The following PRRC2A variants were observed in gnomAD, a reference collection of about 807,000 sequenced individuals.
PRRC2A encodes the protein protein PRRC2A.
A neutral mutation model predicts 224.6 loss-of-function variants in PRRC2A; 59 were observed. The ratio of observed to expected loss-of-function variants is 0.26; its 90% CI spans 0.21 to 0.33. PRRC2A has a LOEUF of 0.33. Among genes scored for constraint, PRRC2A ranks in the 10% least tolerant of loss-of-function variants. PRRC2A has a pLI of 1.00. For synonymous variants in PRRC2A, 1,194 were observed against 1,109.5 expected, an observed-to-expected ratio of 1.08 and a Z score of -1.51; for missense variants, 3,095 against 2,880.7, an observed-to-expected ratio of 1.07 and a Z score of -1.70.
intron 5 of PRRC2A, 75 bp downstream of exon 5, chr6:31,624,597 C>A: frequency 6.7e-7 from 1 of 1,487,842 alleles, no homozygotes; most frequent in South Asian, 1.1e-5. Flanking sequence ...TATTTTCAGC[C>A]AAGTGACCTT....
intron 14 of PRRC2A, 118 bp downstream of exon 14, chr6:31,629,963 AG>A (rs1458067696): frequency 1.3e-6 from 2 of 1,488,648 alleles, no homozygotes; most frequent in Non-Finnish European, 1.8e-6. Flanking sequence ...TGATGAGGGA[AG>A]GGCATATGCT....
chr6:31,627,622 A>T lies in PRRC2A; in HGVS notation c.1291-143A>T. ...GGTCTCAAAGAAGACCAGGATAATG[A>T]GTTTGTCACCACCCAGAGAGATCAA... On this transcript the variant is annotated intron_variant, in intron 11 of 30. Coordinates refer to ENST00000376033, the MANE Select transcript of PRRC2A (RefSeq NM_004638.4). The surrounding 1 kb of genome is among the most constrained non-coding windows in gnomAD (Gnocchi z 5.6). The T allele has an allele frequency of 1.9e-6, 2 of 1,062,796 alleles. No homozygotes were observed. The highest frequency in any genetic ancestry group is 1.6e-5 in the African/African-American group (1 of 62,382). The allele number at this position is 1,062,796 out of a possible 1,614,324, so 65.8% of individuals were successfully genotyped here. A position where few individuals can be genotyped will look rare whatever the true frequency, so the allele number is the denominator to read the frequency against.
At position 31,630,059 on chromosome 6, in the gene PRRC2A, G is replaced by A. The variant is rs547161446; in HGVS notation, c.2254+214G>A. On this transcript the variant is annotated intron_variant, in intron 14 of 30. Coordinates refer to ENST00000376033, the MANE Select transcript of PRRC2A (RefSeq NM_004638.4). Reference sequence around the variant, plus strand: ...TGGCCAGGCATTGTGGCTCACGCCTGTAATCCCAGCACTTAGGGAGGCCGA... The same window carrying A: ...TGGCCAGGCATTGTGGCTCACGCCTATAATCCCAGCACTTAGGGAGGCCGA... Among the ~76,000 whole-genome samples the A allele has an allele frequency of 1.6e-4, 24 of 152,354 alleles. No individual in the cohort carries two copies. In the East Asian group the frequency reaches 3.1e-3, roughly 20 times the overall value.
At position 31,627,696 on chromosome 6, in the gene PRRC2A, T is replaced by C; in HGVS notation, c.1291-69T>C. 6.4e-7 allele frequency: 1 copy of C among 1,556,996 alleles called. No homozygotes were observed. The highest frequency in any genetic ancestry group is 1.2e-5 in the South Asian group (1 of 85,130). The stretch of plus-strand genomic sequence containing the variant: ...CCTGCAAGTAGCGACAGTTGATTTG[T>C]TGTAAAAGAGATGATAGAAAGCATA... On this transcript the variant is annotated intron_variant, in intron 11 of 30. Transcript: ENST00000376033. The surrounding 1 kb of genome is among the most constrained non-coding windows in gnomAD (Gnocchi z 5.6).
Position 31,631,613 on chromosome 6 carries a change from G to C in PRRC2A, c.2940G>C (p.Lys980Asn). ...GGGATGAAACCCCCAAACCCCCAAA[G>C]CCAGACCCACTCAAGATAACCAAGG... The part of the protein sequence containing the change: ...EQGDETPKPP[K>N]PDPLKITKGK... The change falls in exon 16 of 31, where the codon AAG becomes AAC. Residue 980 changes from lysine to asparagine, a missense_variant. Physicochemically the swap from Lys to Asn is moderately conservative, Grantham distance 94. This residue lies in a region of PRRC2A where 2,001 missense variants were observed against 1,764.9 expected (regional missense o/e 1.13). Transcript: ENST00000376033. The surrounding 1 kb of genome is among the most constrained non-coding windows in gnomAD (Gnocchi z 4.5). 6.5e-7 allele frequency: 1 copy of C among 1,533,334 alleles called. No individual in the cohort carries two copies. The allele number at this position is 1,533,334 out of a possible 1,614,324, so 95.0% of individuals were successfully genotyped here.
intron 13 of PRRC2A, 47 bp from the exon 14 acceptor site, chr6:31,629,501 C>T (rs956227447): frequency 1.4e-6 from 2 of 1,426,772 alleles, no homozygotes; most frequent in Admixed American, 1.7e-5. Context: ...TTCCTTTGTC[C>T]ATGTGTGCTT....
At chr6:31,624,109 T>TA (rs1775620117) in intron 3 of PRRC2A, 152 bp from the exon 4 acceptor site, 4 of 1,060,618 alleles carry the variant, frequency 3.8e-6, no homozygotes, top group Non-Finnish European at 5.5e-6. Flanking sequence ...CATGAAAAAA[T>TA]AGACAACAGC....
Position 31,635,750 on chromosome 6 carries a change from G to C in PRRC2A, c.5541+1G>C. 1 of 1,576,398 alleles carries C rather than the reference G, an allele frequency of 6.3e-7. No individual in the cohort carries two copies. The highest frequency in any genetic ancestry group is 8.6e-7 in the Non-Finnish European group (1 of 1,162,906). On this transcript the variant is annotated splice_donor_variant, in intron 24 of 30. Transcript: ENST00000376033. LOFTEE classifies it high-confidence loss of function. ...CAGTGCTGGGCCTTCCAGTTCTCAG[G>C]TAGGCCCCGCTTCCCATTGCATGAC...
rs1490992999 is a variant in PRRC2A at position 31,626,758 on chromosome 6, A to C, written c.983-14A>C. The C allele has an allele frequency of 6.4e-7, 1 of 1,563,096 alleles. No homozygotes were observed. Among genetic ancestry groups the C allele is most frequent in the South Asian group, 1.2e-5 (1 of 85,036 alleles). On this transcript the variant is annotated splice_polypyrimidine_tract_variant and intron_variant, in intron 9 of 30. Coordinates refer to ENST00000376033, the MANE Select transcript of PRRC2A (RefSeq NM_004638.4). ...CAGAATGCTTGGGTTACTAATACTCATATTTCCCCTCAGGGGCCCATGAAG... is the reference window on the plus strand; with the variant it reads ...CAGAATGCTTGGGTTACTAATACTCCTATTTCCCCTCAGGGGCCCATGAAG...
rs1175958797 is a variant in PRRC2A at position 31,629,197 on chromosome 6, C to G, written c.1819C>G (p.Pro607Ala). ...TCCTGAACCACCAGAAGAGGTTCCT[C>G]CTCCTACCACACCCCCAGTTCCAAA... ...EGPEPPEEVP[P>A]PTTPPVPKVE... Residue 607 changes from proline to alanine, a missense_variant, in exon 13 of 31, where the codon CCT becomes GCT. Physicochemically the swap from Pro to Ala is conservative, Grantham distance 27. This residue lies in a region of PRRC2A where 2,001 missense variants were observed against 1,764.9 expected (regional missense o/e 1.13). Coordinates refer to ENST00000376033, the MANE Select transcript of PRRC2A (RefSeq NM_004638.4). The G allele has an allele frequency of 1.2e-6, 2 of 1,614,138 alleles. No homozygotes were observed. Among genetic ancestry groups the G allele is most frequent in the Non-Finnish European group, 1.7e-6 (2 of 1,180,030 alleles).
Position 31,629,153 on chromosome 6 carries a change from A to T in PRRC2A, c.1775A>T (p.Gln592Leu). 1 of 1,614,016 alleles carries T rather than the reference A, an allele frequency of 6.2e-7. No homozygotes were observed. Among genetic ancestry groups the T allele is most frequent in the Non-Finnish European group, 8.5e-7 (1 of 1,179,988 alleles). ...GSFEASPVEPQLPSKEGPEPP... is the reference protein window; with the variant it reads ...GSFEASPVEPLLPSKEGPEPP... ...GTTTTTTCCGATGCAGTGGAACCAC[A>T]ACTGCCCTCAAAAGAGGGTCCTGAA... The change falls in exon 13 of 31, where the codon CAA (glutamine) becomes CTA (leucine). Residue 592 changes from glutamine to leucine, a missense_variant. Physicochemically the swap from Gln to Leu is moderately radical, Grantham distance 113 (BLOSUM62 -2). Transcript: ENST00000376033.
Position 31,623,820 on chromosome 6 carries a change from C to A in PRRC2A, c.201C>A (p.Ala67=), listed in dbSNP as rs375345996. ...PPPANLPSLK[A]ENKGNDPNVS... ...CAGCCAACCTTCCAAGCCTGAAAGCCGAGAACAAAGGCAATGACCCCAATG... is the reference window on the plus strand; with the variant it reads ...CAGCCAACCTTCCAAGCCTGAAAGCAGAGAACAAAGGCAATGACCCCAATG... Residue 67 remains alanine (A), a synonymous_variant, in exon 3 of 31, where the codon GCC becomes GCA. Transcript: ENST00000376033. 6.2e-7 allele frequency: 1 copy of A among 1,614,156 alleles called. No individual in the cohort carries two copies. The highest frequency in any genetic ancestry group is 8.5e-7 in the Non-Finnish European group (1 of 1,180,022).
rs577777906 is a variant in PRRC2A, at chr6:31,634,247, A to G, written c.4731A>G (p.Pro1577=). ...KPELLQEESL[P]PPHSSGFLGS... ...CTTCTCATCTGTAGGAATCTTTGCC[A>G]CCTCCTCATAGCTCTGGATTCTTGG... The change falls in exon 19 of 31, where the codon CCA becomes CCG. Residue 1577 remains proline (P), a synonymous_variant. Transcript: ENST00000376033. 1.4e-5 allele frequency: 22 copies of G among 1,581,488 alleles called. No individual in the cohort carries two copies. In the South Asian group the frequency reaches 2.2e-4, roughly 16 times the overall value.
chr6:31,625,433 C>T lies in PRRC2A; in HGVS notation c.608-27C>T. On this transcript the variant is annotated intron_variant, in intron 6 of 30. Coordinates refer to ENST00000376033, the MANE Select transcript of PRRC2A (RefSeq NM_004638.4). This position sits in a 1 kb window ranked among gnomAD's most constrained non-coding sequence, Gnocchi z 4.1. ...TTCACTTGTCCTCCAATCATTGATA[C>T]CTCTCTCTACCTTTTCCAAAATACA... is the stretch of plus-strand genomic sequence containing the variant. The T allele has an allele frequency of 6.2e-7, 1 of 1,604,298 alleles. No individual in the cohort carries two copies. Among genetic ancestry groups the T allele is most frequent in the Non-Finnish European group, 8.5e-7 (1 of 1,171,770 alleles).
At chr6:31,637,193 T>C (rs1056069064) in intron 29 of PRRC2A, 41 bp from the exon 30 acceptor site, 25 of 1,604,930 alleles carry the variant, frequency 1.6e-5, no homozygotes, top group Non-Finnish European at 2.1e-5. Flanking sequence ...GGAACCAGGG[T>C]CTGGATCCTA....
Position 31,631,542 on chromosome 6 carries a change from C to T in PRRC2A, c.2869C>T (p.Pro957Ser), listed in dbSNP as rs750934299. The T allele has an allele frequency of 8.8e-6, 14 of 1,594,358 alleles. No individual in the cohort carries two copies. Among genetic ancestry groups the T allele is most frequent in the Non-Finnish European group, 1.2e-5 (14 of 1,173,894 alleles). Residue 957 changes from proline to serine, a missense_variant, in exon 16 of 31, where the codon CCA (proline) becomes TCA (serine). By Grantham distance (74) the Pro-to-Ser change is moderately conservative. This residue lies in a region of PRRC2A where 2,001 missense variants were observed against 1,764.9 expected (regional missense o/e 1.13). Transcript: ENST00000376033. The surrounding 1 kb of genome is among the most constrained non-coding windows in gnomAD (Gnocchi z 4.5). ...RRAGPIKKPP[P>S]PTKVEELPPK... ...GGCTGGGCCTATAAAGAAACCTCCA[C>T]CACCTACAAAAGTAGAAGAGCTGCC...
At position 31,632,209 on chromosome 6, in the gene PRRC2A, C is replaced by T. The variant is rs1317844275; in HGVS notation, c.3536C>T (p.Pro1179Leu). The T allele has an allele frequency of 6.2e-7, 1 of 1,608,944 alleles. No individual in the cohort carries two copies. Among genetic ancestry groups the T allele is most frequent in the Non-Finnish European group, 8.5e-7 (1 of 1,178,412 alleles). ...GGCCGAGGAGGAGGGAGGCCCCCTCCTCAAGTTTGCCCAGGCTGGAGCCCT... is the reference window on the plus strand; with the variant it reads ...GGCCGAGGAGGAGGGAGGCCCCCTCTTCAAGTTTGCCCAGGCTGGAGCCCT... The part of the protein sequence containing the change: ...RRGRGGGRPP[P>L]QVCPGWSPPA... The change falls in exon 16 of 31, where the codon CCT (proline) becomes CTT (leucine). Residue 1179 changes from proline to leucine, a missense_variant. By Grantham distance (98) the Pro-to-Leu change is moderately conservative (BLOSUM62 -3). Coordinates refer to ENST00000376033, the MANE Select transcript of PRRC2A (RefSeq NM_004638.4).
rs1469006605 is a variant in PRRC2A, at chr6:31,627,455, G to A, written c.1290+257G>A. Among the ~76,000 whole-genome samples, 1 of 151,970 alleles carries A rather than the reference G, an allele frequency of 6.6e-6. No individual in the cohort carries two copies. The highest frequency in any genetic ancestry group is 2.4e-5 in the African/African-American group (1 of 41,372). On this transcript the variant is annotated intron_variant, in intron 11 of 30. Coordinates refer to ENST00000376033, the MANE Select transcript of PRRC2A (RefSeq NM_004638.4). This position sits in a 1 kb window ranked among gnomAD's most constrained non-coding sequence, Gnocchi z 5.6. ...TGTTTGGGTTTCGGAAGGAGAGAGG[G>A]AACAGAAAAATAAAAAGACTAGGGT...
chr6:31,628,840 CA>C (rs921221044), intron 12 of PRRC2A: 390 of 358,468 alleles, frequency 1.1e-3, no homozygotes, highest in Middle Eastern at 2.2e-3. Context: ...GACTCTGTCT[CA>C]AAAAAAAATC....
Sources: allele counts gnomAD v4.1 joint callset (sites outside exome capture counted in the v4.1 genomes callset), GRCh38; gene constraint gnomAD v4.1.1; regional missense constraint gnomAD v4.1.1; non-coding constraint Gnocchi (gnomAD v3.1); transcripts MANE v1.5; gene names NCBI Gene and HGNC (gene_info 2026-07-23, HGNC 2026-07-21).